Variants in ANKRD29 observed in about 807,000 individuals in gnomAD.
ANKRD29 encodes the protein ankyrin repeat domain-containing protein 29.
In ANKRD29, 32 loss-of-function variants were observed where a neutral mutation model predicts 38.0. The ratio of observed to expected loss-of-function variants is 0.84; its 90% CI spans 0.64 to 1.13. The LOEUF is 1.13. ANKRD29 is among the 50% of genes most tolerant of loss of function. ANKRD29 has a pLI of 0.00. For missense variants in ANKRD29, 357 were observed against 377.9 expected (o/e 0.94, Z 0.46); for synonymous variants, 135 against 152.4 (o/e 0.89, Z 0.84).
At chr18:23,641,294 T>C (rs1014703566) in intron 3 of ANKRD29, among the ~76,000 whole-genome samples, 31 of 152,310 alleles carry the variant, frequency 2.0e-4, no homozygotes, top group Middle Eastern at 3.4e-3. Context: ...GCAGCTCCGG[T>C]TCTGGGCATC....
chr18:23,631,889 C>T (rs772678254), intron 5 of ANKRD29, among the ~76,000 whole-genome samples: 5 of 152,186 alleles, frequency 3.3e-5, no homozygotes, highest in Non-Finnish European at 7.3e-5. Flanking sequence ...ACATTCGCAG[C>T]GCAGGGTGAG....
chr18:23,619,166 G>A (rs933381450), intron 7 of ANKRD29, among the ~76,000 whole-genome samples: 1 of 152,226 alleles, frequency 6.6e-6, no homozygotes, highest in Admixed American at 6.5e-5. Context: ...CCAGGGAGGA[G>A]GGGCAAGAGG....
intron 8 of ANKRD29, among the ~76,000 whole-genome samples, chr18:23,615,131 C>G (rs2059694624): frequency 6.6e-6 from 1 of 152,200 alleles, no homozygotes; most frequent in Non-Finnish European, 1.5e-5. Flanking sequence ...AAGCAATCCT[C>G]CTGCCTCAGC....
chr18:23,609,491 A>G (rs943729892), intron 9 of ANKRD29, among the ~76,000 whole-genome samples: 2 of 151,982 alleles, frequency 1.3e-5, no homozygotes, highest in Non-Finnish European at 2.9e-5. Flanking sequence ...TGCGTGAATT[A>G]CTCTTTCTCC....
chr18:23,605,409 C>T (rs28772595), intron 9 of ANKRD29, among the ~76,000 whole-genome samples: 1,553 of 152,026 alleles, frequency 0.01, 22 homozygotes, highest in African/African-American at 0.036. Context: ...GCTATGTTGC[C>T]CAGGCTGGTC....
chr18:23,601,663 A>G (rs963327014), intron 9 of ANKRD29, among the ~76,000 whole-genome samples: 1 of 152,054 alleles, frequency 6.6e-6, no homozygotes, highest in Non-Finnish European at 1.5e-5. Context: ...TATACCTTAT[A>G]TGTATTTTAT....
At chr18:23,611,546 A>T (rs2059641689) in intron 9 of ANKRD29, among the ~76,000 whole-genome samples, 1 of 152,110 alleles carries the variant, frequency 6.6e-6, no homozygotes. Context: ...TTAGCCGGGC[A>T]TGGTGGTCTG....
At chr18:23,662,622 A>AAG in intron 1 of ANKRD29, 88 bp downstream of exon 1, 2 of 65,702 alleles carry the variant, frequency 3.0e-5, no homozygotes, top group Non-Finnish European at 5.5e-5. Context: ...CGCCCACCCC[A>AAG]TCCCACCCCA....
chr18:23,629,011 G>A (rs544703966), intron 6 of ANKRD29, among the ~76,000 whole-genome samples: 1 of 152,136 alleles, frequency 6.6e-6, no homozygotes, highest in Non-Finnish European at 1.5e-5. Flanking sequence ...TTGAGACAGA[G>A]TCTTGTTCTA....
At chr18:23,625,423 A>T (rs1006677979) in intron 6 of ANKRD29, among the ~76,000 whole-genome samples, 1 of 152,036 alleles carries the variant, frequency 6.6e-6, no homozygotes, top group Non-Finnish European at 1.5e-5. Context: ...TCTGATCCAT[A>T]AACCTGGGGA....
intron 8 of ANKRD29, among the ~76,000 whole-genome samples, chr18:23,613,748 C>T (rs909036353): frequency 2.0e-5 from 3 of 151,614 alleles, no homozygotes; most frequent in Non-Finnish European, 4.4e-5. Flanking sequence ...TACAGGCGCC[C>T]GCCACACACC....
chr18:23,623,603 A>G (rs2059822630), intron 6 of ANKRD29, among the ~76,000 whole-genome samples: 1 of 151,702 alleles, frequency 6.6e-6, no homozygotes, highest in Admixed American at 6.6e-5. Context: ...TCAGCAACAC[A>G]GTGAGGCCCC....
At position 23,662,833 on chromosome 18, in the gene ANKRD29, C is replaced by G. The variant is rs1247157768; in HGVS notation, c.-103G>C. 1.6e-5 allele frequency: 17 copies of G among 1,071,094 alleles called. No homozygotes were observed. Among genetic ancestry groups the G allele is most frequent in the African/African-American group, 1.7e-5 (1 of 59,600 alleles). The allele number at this position is 1,071,094 out of a possible 1,614,324, so 66.3% of individuals were successfully genotyped here. A position where few individuals can be genotyped will look rare whatever the true frequency, so the allele number is the denominator to read the frequency against. ...GGGCTCTCGGCGTTCCGCAGAGGGG[C>G]GGCCTCCGACGCCGCGCGCTCCCGC... On this transcript the variant is annotated 5_prime_UTR_variant, in exon 1 of 10. Transcript: ENST00000592179.
At chr18:23,645,964 G>T (rs1296065765) in intron 3 of ANKRD29, among the ~76,000 whole-genome samples, 1 of 152,160 alleles carries the variant, frequency 6.6e-6, no homozygotes, top group Non-Finnish European at 1.5e-5. Context: ...ATAGGCAGGT[G>T]GTAAGAGGTT....
chr18:23,652,280 C>T (rs1043706272), intron 1 of ANKRD29, among the ~76,000 whole-genome samples: 1 of 152,174 alleles, frequency 6.6e-6, no homozygotes, highest in Non-Finnish European at 1.5e-5. Context: ...CTCATCCTTG[C>T]TCAGTGAAGT....
intron 5 of ANKRD29, 131 bp downstream of exon 5, chr18:23,633,920 T>C: frequency 2.3e-6 from 2 of 865,044 alleles, no homozygotes; most frequent in South Asian, 3.1e-5. Flanking sequence ...TATATATTTT[T>C]CTCTTGACTC....
chr18:23,648,847 T>C (rs763890916), intron 2 of ANKRD29: 64 of 445,204 alleles, frequency 1.4e-4, no homozygotes, highest in Non-Finnish European at 9.8e-5. Flanking sequence ...GAAGTGCCTC[T>C]TTCCCTATTG....
intron 3 of ANKRD29, among the ~76,000 whole-genome samples, chr18:23,642,723 G>T (rs977595607): frequency 6.6e-6 from 1 of 152,214 alleles, no homozygotes; most frequent in Non-Finnish European, 1.5e-5. Flanking sequence ...AAAGACCCAA[G>T]AAACTATCCA....
Position 23,619,575 on chromosome 18 carries a change from G to C in ANKRD29, c.583C>G (p.Arg195Gly). Residue 195 changes from arginine (R) to glycine (G), a missense_variant, in exon 7 of 10, where the codon CGG becomes GGG. Transcript: ENST00000592179. ...TCGGCTCCGCGCAGCAGCATCACCC[G>C]CACCACCTCGCTGTGGCCCATCTGG... ...ASQMGHSEVV[R>G]VMLLRGADRD... 1 of 1,597,688 alleles carries C rather than the reference G, an allele frequency of 6.3e-7. No individual in the cohort carries two copies. The highest frequency in any genetic ancestry group is 8.5e-7 in the Non-Finnish European group (1 of 1,179,066).
Sources: allele counts gnomAD v4.1 joint callset (sites outside exome capture counted in the v4.1 genomes callset), GRCh38; gene constraint gnomAD v4.1.1; transcripts MANE v1.5; gene names NCBI Gene and HGNC (gene_info 2026-07-23, HGNC 2026-07-21).